TBCCD1: variants seen among roughly 807,000 people sequenced by gnomAD.
TBCCD1 encodes TBCC domain containing 1.
In TBCCD1, 26 loss-of-function variants were observed where a neutral mutation model predicts 53.4. The ratio of observed to expected loss-of-function variants is 0.49; its 90% CI spans 0.36 to 0.68. The LOEUF (loss-of-function observed/expected upper bound fraction) is 0.68, where lower values mean the gene tolerates loss of function less well. Ranked by LOEUF, TBCCD1 falls within the 30% of genes least tolerant of loss-of-function variation. The probability of loss-of-function intolerance (pLI) is 0.00; values close to 1 mark genes in which losing one functional copy is unlikely to be tolerated. For synonymous variants in TBCCD1, 245 were observed against 241.7 expected (o/e 1.01, Z -0.13); for missense variants, 558 against 669.5 (o/e 0.83, Z 1.84).
chr3:186,568,905 G>GAAAAAAAA (rs1315274828), upstream of TBCCD1, among the ~76,000 whole-genome samples: 1 of 135,318 alleles, frequency 7.4e-6, no homozygotes, highest in African/African-American at 3.1e-5. Context: ...TCTGTCTCAG[G>GAAAAAAAA]AAAAAAAAAG....
At chr3:186,558,286 A>G in intron 3 of TBCCD1, 131 bp downstream of exon 3, 1 of 1,175,354 alleles carries the variant, frequency 8.5e-7, no homozygotes, top group South Asian at 1.5e-5. Context: ...TTTAAAAAAA[A>G]AGTGAAAAAC....
chr3:186,549,279 C>T (rs2108452633), intron 7 of TBCCD1, among the ~76,000 whole-genome samples: 1 of 152,178 alleles, frequency 6.6e-6, no homozygotes, highest in East Asian at 1.9e-4. Context: ...CAGAGTGAGA[C>T]TCCATCTCAA....
Position 186,554,350 on chromosome 3 carries a change from G to A in TBCCD1, c.1448C>T (p.Pro483Leu), listed in dbSNP as rs751169166. The change falls in exon 6 of 8, where the codon CCC becomes CTC. Residue 483 changes from proline (P) to leucine (L), a missense_variant. By Grantham distance (98) the Pro-to-Leu change is moderately conservative (BLOSUM62 -3). Coordinates refer to ENST00000338733, the MANE Select transcript of TBCCD1 (RefSeq NM_018138.5). ...FEMEGDTTEI[P>L]GGLPSVYQKA... ...CTGATATACAGATGGAAGACCCCCG[G>A]GTATCTCTGTTGTGTCCCCTTCCAT... The A allele has an allele frequency of 1.2e-6, 2 of 1,614,154 alleles. No homozygotes were observed. Among genetic ancestry groups the A allele is most frequent in the Non-Finnish European group, 1.7e-6 (2 of 1,180,028 alleles).
chr3:186,557,936 CAG>C (rs1245731982), intron 3 of TBCCD1, among the ~76,000 whole-genome samples: 3 of 152,010 alleles, frequency 2.0e-5, no homozygotes, highest in Non-Finnish European at 4.4e-5. Context: ...TTTACAAAAA[CAG>C]AAAGAAAAAA....
At chr3:186,565,006 A>C (rs947299949) in intron 1 of TBCCD1, among the ~76,000 whole-genome samples, 2 of 151,892 alleles carry the variant, frequency 1.3e-5, no homozygotes, top group Non-Finnish European at 2.9e-5. Flanking sequence ...ATGATACATG[A>C]TTTTTATGGA....
upstream of TBCCD1, chr3:186,569,996 C>T: frequency 3.4e-6 from 2 of 595,734 alleles, no homozygotes; most frequent in East Asian, 2.8e-5. Flanking sequence ...GATGATTTAC[C>T]GATTTTTTTC....
At chr3:186,547,901 A>T (rs1036777722) in intron 7 of TBCCD1, among the ~76,000 whole-genome samples, 11 of 151,580 alleles carry the variant, frequency 7.3e-5, no homozygotes, top group Admixed American at 3.3e-4. Flanking sequence ...TAAATTCTTT[A>T]AAAAAAAATA....
At chr3:186,566,584 A>G (rs1406017990) in intron 1 of TBCCD1, among the ~76,000 whole-genome samples, 1 of 152,216 alleles carries the variant, frequency 6.6e-6, no homozygotes, top group Non-Finnish European at 1.5e-5. Context: ...CTAGATTAGG[A>G]TTCAGGTCTG....
chr3:186,567,472 GTCGAGAGTC>G (rs1441907234), upstream of TBCCD1: 1 of 152,134 alleles, frequency 6.6e-6, no homozygotes, highest in Non-Finnish European at 1.5e-5. Context: ...CTAGGCTGGG[GTCGAGAGTC>G]CGCAACAGTG....
At chr3:186,560,873 C>T (rs546282362) in intron 2 of TBCCD1, among the ~76,000 whole-genome samples, 3 of 152,258 alleles carry the variant, frequency 2.0e-5, no homozygotes, top group South Asian at 2.1e-4. Flanking sequence ...GAATACAAAA[C>T]GCAGAATAGT....
In TBCCD1 at chr3:186,554,955, GC is replaced by G. The variant is rs1714491362; in HGVS notation, c.988del (p.Ala330HisfsTer3). ...LAKSSDTLAGAHVKIHRCNES... is the reference protein window; with the variant it reads ...LAKSSDTLAGXHVKIHRCNES... Reference sequence around the variant, plus strand: ...GTTGCAACGATGAATCTTTACATGTGCCCCCGCCAGAGTGTCTGAGCTCTTA... The same window carrying G: ...GTTGCAACGATGAATCTTTACATGTGCCCCGCCAGAGTGTCTGAGCTCTTA... On this transcript the variant is annotated frameshift_variant, in exon 5 of 8. Transcript: ENST00000338733. LOFTEE classifies it high-confidence loss of function. 6.2e-7 allele frequency: 1 copy of G among 1,613,648 alleles called. No homozygotes were observed. The highest frequency in any genetic ancestry group is 8.5e-7 in the Non-Finnish European group (1 of 1,180,022).
At chr3:186,563,926 T>C in intron 2 of TBCCD1, 68 bp downstream of exon 2, 1 of 1,480,030 alleles carries the variant, frequency 6.8e-7, no homozygotes, top group Non-Finnish European at 9.0e-7. Flanking sequence ...AGCAAAAACA[T>C]TTTTTAATTT....
At chr3:186,550,765 T>C (rs1169710828) in intron 7 of TBCCD1, among the ~76,000 whole-genome samples, 1 of 152,166 alleles carries the variant, frequency 6.6e-6, no homozygotes, top group Non-Finnish European at 1.5e-5. Flanking sequence ...GATCAGCTAA[T>C]TTGTAAATTG....
rs9854418 is a variant in TBCCD1 at position 186,558,604 on chromosome 3, C to A, written c.337-32G>T. On this transcript the variant is annotated intron_variant, in intron 2 of 7. Transcript: ENST00000338733. ...AAGAAGAAAATAAAAGATGAATAGA[C>A]GTTTTAAAACATCAACCACTAGTCT... 4.4e-6 allele frequency: 7 copies of A among 1,603,418 alleles called. No individual in the cohort carries two copies. The African/African-American group carries it at 6.7e-5, about 15-fold the overall frequency.
intron 6 of TBCCD1, 137 bp from the exon 7 acceptor site, chr3:186,551,416 TCA>T: frequency 1.1e-6 from 1 of 902,258 alleles, no homozygotes; most frequent in Non-Finnish European, 1.6e-6. Flanking sequence ...TTCTCACTGT[TCA>T]GAGTACACTG....
Position 186,556,742 on chromosome 3 carries a change from A to G in TBCCD1, c.526T>C (p.Tyr176His), listed in dbSNP as rs1186012605. The G allele has an allele frequency of 1.2e-6, 2 of 1,614,030 alleles. No individual in the cohort carries two copies. Among genetic ancestry groups the G allele is most frequent in the African/African-American group, 2.7e-5 (2 of 74,938 alleles). ...WNDYSHQAFVYDHLSDLLELL... is the reference protein window; with the variant it reads ...WNDYSHQAFVHDHLSDLLELL... ...TCGAGGAGATCAGACAGATGATCAT[A>G]GACAAAAGCTTGGTGACTGTAATCA... Residue 176 changes from tyrosine (Y) to histidine (H), a missense_variant, in exon 4 of 8, where the codon TAT becomes CAT. By Grantham distance (83) the Tyr-to-His change is moderately conservative. Transcript: ENST00000338733.
At chr3:186,557,197 G>A (rs1714568880) in intron 3 of TBCCD1, among the ~76,000 whole-genome samples, 1 of 152,174 alleles carries the variant, frequency 6.6e-6, no homozygotes, top group Non-Finnish European at 1.5e-5. Flanking sequence ...CCATTTATTG[G>A]TGCTTACTAT....
intron 7 of TBCCD1, among the ~76,000 whole-genome samples, chr3:186,549,833 T>C (rs1714318141): frequency 6.6e-6 from 1 of 152,208 alleles, no homozygotes; most frequent in South Asian, 2.1e-4. Flanking sequence ...AAATAGTATT[T>C]TACATTTCTT....
intron 7 of TBCCD1, among the ~76,000 whole-genome samples, chr3:186,548,416 G>T (rs775328279): frequency 3.3e-5 from 5 of 152,192 alleles, no homozygotes; most frequent in Non-Finnish European, 7.3e-5. Flanking sequence ...TATTTTGAAG[G>T]TGATGAAAAT....
Sources: gnomAD v4.1 joint callset for allele counts (sites outside exome capture counted in the v4.1 genomes callset) on GRCh38, gnomAD v4.1.1 for gene constraint, MANE v1.5 for transcripts, NCBI Gene and HGNC (gene_info 2026-07-23, HGNC 2026-07-21) for gene names.